The following CRPPA variants were observed in gnomAD, a reference collection of about 807,000 sequenced individuals.
CRPPA encodes CDP-L-ribitol pyrophosphorylase A, also known as D-ribitol-5-phosphate cytidylyltransferase.
CRPPA carries 43 observed loss-of-function variants against 52.0 expected under a neutral mutation model. The ratio of observed to expected loss-of-function variants is 0.83; its 90% CI spans 0.65 to 1.07. CRPPA has a LOEUF of 1.07. CRPPA is among the 50% of genes least tolerant of loss of function. The probability of loss-of-function intolerance (pLI) is 0.00; values close to 1 mark genes in which losing one functional copy is unlikely to be tolerated. For synonymous variants in CRPPA, 250 were observed against 203.5 expected (o/e 1.23, Z -1.94); for missense variants, 629 against 551.7 (o/e 1.14, Z -1.40).
intron 8 of CRPPA, among the ~76,000 whole-genome samples, chr7:16,221,234 C>G (rs1008790354): frequency 1.3e-5 from 2 of 152,160 alleles, no homozygotes; most frequent in African/African-American, 4.8e-5. Flanking sequence ...GGAAAACTGG[C>G]TAGCCATATG....
chr7:16,146,410 G>A (rs1329090979), intron 9 of CRPPA, among the ~76,000 whole-genome samples: 1 of 151,910 alleles, frequency 6.6e-6, no homozygotes, highest in African/African-American at 2.4e-5. Context: ...AAAGACACTA[G>A]TTAGCAAGAT....
At chr7:16,415,368 T>C (rs1191282673) in intron 1 of CRPPA, among the ~76,000 whole-genome samples, 1 of 152,210 alleles carries the variant, frequency 6.6e-6, no homozygotes, top group Non-Finnish European at 1.5e-5. Flanking sequence ...AGGATCTCAC[T>C]GTATCAAAAT....
At chr7:16,146,644 T>A (rs1782979825) in intron 9 of CRPPA, among the ~76,000 whole-genome samples, 2 of 152,138 alleles carry the variant, frequency 1.3e-5, no homozygotes, top group African/African-American at 4.8e-5. Flanking sequence ...AGAAGATGTA[T>A]AAAAGTGTAG....
At chr7:16,339,843 A>C (rs1381394878) in intron 3 of CRPPA, among the ~76,000 whole-genome samples, 1 of 152,230 alleles carries the variant, frequency 6.6e-6, no homozygotes, top group Non-Finnish European at 1.5e-5. Flanking sequence ...TGACACTTCC[A>C]GACTTCAACA....
intron 3 of CRPPA, among the ~76,000 whole-genome samples, chr7:16,330,064 T>A (rs975933917): frequency 2.0e-5 from 3 of 152,204 alleles, no homozygotes; most frequent in Non-Finnish European, 4.4e-5. Context: ...ATAAATTCTC[T>A]GGAACTAACT....
chr7:16,363,352 T>C (rs1368955729), intron 3 of CRPPA, among the ~76,000 whole-genome samples: 1 of 152,152 alleles, frequency 6.6e-6, no homozygotes, highest in Non-Finnish European at 1.5e-5. Flanking sequence ...AGGGAAAATA[T>C]CCCAAATAAA....
chr7:16,186,440 T>C (rs1383749078), intron 9 of CRPPA, among the ~76,000 whole-genome samples: 1 of 152,148 alleles, frequency 6.6e-6, no homozygotes, highest in Non-Finnish European at 1.5e-5. Flanking sequence ...AATCCAACCA[T>C]GCTGGCACCC....
At chr7:16,322,861 G>T (rs934298613) in intron 3 of CRPPA, among the ~76,000 whole-genome samples, 4 of 152,262 alleles carry the variant, frequency 2.6e-5, no homozygotes, top group African/African-American at 9.6e-5. Flanking sequence ...TTGACTCACA[G>T]TTCCACATCA....
chr7:16,278,251 A>C, intron 5 of CRPPA, 25 bp from the exon 6 acceptor site: 1 of 1,248,468 alleles, frequency 8.0e-7, no homozygotes, highest in Non-Finnish European at 1.1e-6. Flanking sequence ...AAAAAGTTTT[A>C]AGTTTCAAAC....
Position 16,091,716 on chromosome 7 carries a change from A to G in CRPPA, c.1335T>C (p.Ile445=). 6.4e-7 allele frequency: 1 copy of G among 1,557,048 alleles called. No individual in the cohort carries two copies. The highest frequency in any genetic ancestry group is 8.7e-7 in the Non-Finnish European group (1 of 1,148,284). ...SLIKERNSGL[I]GQLLIA ...TTCTTCATGCTATCAGAAGCTGACC[A>G]ATGAGTCCAGAATTTCTTTCCTTGA... The change falls in exon 10 of 10, where the codon ATT becomes ATC. Residue 445 remains isoleucine, a synonymous_variant. Coordinates refer to ENST00000407010, the MANE Select transcript of CRPPA (RefSeq NM_001101426.4).
chr7:16,374,521 T>C, intron 3 of CRPPA, among the ~76,000 whole-genome samples: 1 of 152,222 alleles, frequency 6.6e-6, no homozygotes, highest in East Asian at 1.9e-4. Flanking sequence ...TCTGTTCCTC[T>C]GGAGAACCCT....
intron 9 of CRPPA, among the ~76,000 whole-genome samples, chr7:16,114,969 G>A (rs1279394400): frequency 1.3e-5 from 2 of 151,986 alleles, no homozygotes; most frequent in Non-Finnish European, 2.9e-5. Flanking sequence ...AAAAAATAAT[G>A]AGGCAAAAGA....
intron 8 of CRPPA, among the ~76,000 whole-genome samples, chr7:16,229,770 T>G (rs1782742859): frequency 6.6e-6 from 1 of 152,116 alleles, no homozygotes; most frequent in African/African-American, 2.4e-5. Flanking sequence ...ATTAGTGTTG[T>G]GCTTTTTTTG....
At chr7:16,165,222 C>T (rs528705138) in intron 9 of CRPPA, among the ~76,000 whole-genome samples, 22 of 58,496 alleles carry the variant, frequency 3.8e-4, no homozygotes, top group African/African-American at 8.3e-4. Flanking sequence ...CCAACCTCCT[C>T]CAAGAAAAAA....
At chr7:16,128,338 A>G (rs902753654) in intron 9 of CRPPA, among the ~76,000 whole-genome samples, 1 of 152,208 alleles carries the variant, frequency 6.6e-6, no homozygotes, top group Non-Finnish European at 1.5e-5. Context: ...TTATAATTTA[A>G]AAAAATTCAT....
chr7:16,181,750 CAT>C (rs1346419327), intron 9 of CRPPA, among the ~76,000 whole-genome samples: 1 of 151,948 alleles, frequency 6.6e-6, no homozygotes, highest in South Asian at 2.1e-4. Flanking sequence ...TTTCTCTCCA[CAT>C]ATATAACAGC....
At chr7:16,100,865 G>T (rs928376086) in intron 9 of CRPPA, among the ~76,000 whole-genome samples, 5 of 152,078 alleles carry the variant, frequency 3.3e-5, no homozygotes, top group South Asian at 2.1e-4. Flanking sequence ...GCATGAAGGG[G>T]TGTTGAATAT....
intron 3 of CRPPA, among the ~76,000 whole-genome samples, chr7:16,324,723 T>C (rs1339831027): frequency 6.6e-6 from 1 of 152,138 alleles, no homozygotes; most frequent in African/African-American, 2.4e-5. Flanking sequence ...AACACAACTA[T>C]AAAAGGCACT....
chr7:16,214,766 C>T (rs528697863), intron 9 of CRPPA, among the ~76,000 whole-genome samples: 2 of 152,292 alleles, frequency 1.3e-5, no homozygotes, highest in East Asian at 1.9e-4. Flanking sequence ...CCATCTTGGC[C>T]TCCCAAAGTG....
Sources: allele counts gnomAD v4.1 joint callset (sites outside exome capture counted in the v4.1 genomes callset), GRCh38; gene constraint gnomAD v4.1.1; transcripts MANE v1.5; gene names NCBI Gene and HGNC (gene_info 2026-07-23, HGNC 2026-07-21).